Variants in RORB observed in about 807,000 individuals in gnomAD.
RORB encodes RAR related orphan receptor B.
Under a neutral mutation model 59.1 loss-of-function variants are expected in RORB, and 6 were observed. The observed-to-expected ratio is 0.10, with a 90% CI of 0.06 to 0.20. The LOEUF is 0.20. Among genes scored for constraint, RORB ranks in the 10% least tolerant of loss-of-function variants. The pLI, the probability that RORB is intolerant of heterozygous loss-of-function variation, is 1.00. For synonymous variants in RORB, 215 were observed against 204.5 expected, an observed-to-expected ratio of 1.05 and a Z score of -0.44; for missense variants, 320 against 560.5, an observed-to-expected ratio of 0.57 and a Z score of 4.33.
At chr9:74,653,965 T>A (rs920170573) in intron 4 of RORB, among the ~76,000 whole-genome samples, 1 of 152,202 alleles carries the variant, frequency 6.6e-6, no homozygotes, top group African/African-American at 2.4e-5. Context: ...ACCTTGCTTG[T>A]CAGTTTACTT....
At chr9:74,587,803 A>G (rs1489893153) in intron 1 of RORB, among the ~76,000 whole-genome samples, 1 of 152,166 alleles carries the variant, frequency 6.6e-6, no homozygotes, top group African/African-American at 2.4e-5. Context: ...TACTCTCAGG[A>G]TTGCTATTGT....
At chr9:74,568,780 C>T (rs1057140631) in intron 1 of RORB, among the ~76,000 whole-genome samples, 2 of 151,268 alleles carry the variant, frequency 1.3e-5, no homozygotes, top group African/African-American at 2.4e-5. Context: ...CTAGCATTAT[C>T]ACCTAGAGTG....
At chr9:74,540,993 T>C (rs1227588041) in intron 1 of RORB, among the ~76,000 whole-genome samples, 1 of 152,010 alleles carries the variant, frequency 6.6e-6, no homozygotes, top group Non-Finnish European at 1.5e-5. Context: ...TAAAAATACA[T>C]TGTTGAGCCG....
chr9:74,502,997 A>G (rs905874475), intron 1 of RORB, among the ~76,000 whole-genome samples: 1 of 152,080 alleles, frequency 6.6e-6, no homozygotes, highest in African/African-American at 2.4e-5. Context: ...ATTAACATTA[A>G]CAAAACATTT....
chr9:74,634,216 G>C (rs561799199), intron 2 of RORB, among the ~76,000 whole-genome samples: 42 of 152,214 alleles, frequency 2.8e-4, no homozygotes, highest in African/African-American at 9.9e-4. Flanking sequence ...AATACTTCAA[G>C]TTCCTCACCA....
intron 1 of RORB, among the ~76,000 whole-genome samples, chr9:74,554,583 A>T (rs1265259079): frequency 6.6e-6 from 1 of 152,170 alleles, no homozygotes; most frequent in Non-Finnish European, 1.5e-5. Context: ...ACTTAAAAAA[A>T]AAAAAGAATA....
intron 1 of RORB, among the ~76,000 whole-genome samples, chr9:74,522,375 A>C (rs1826095957): frequency 6.6e-6 from 1 of 151,802 alleles, no homozygotes; most frequent in African/African-American, 2.4e-5. Flanking sequence ...AAATCTTACA[A>C]GCATTAGAAA....
At chr9:74,675,253 G>C (rs1824418190) in intron 9 of RORB, among the ~76,000 whole-genome samples, 1 of 150,892 alleles carries the variant, frequency 6.6e-6, no homozygotes, top group African/African-American at 2.4e-5. Context: ...TCCTGGATTT[G>C]AGAAGCCAGG....
chr9:74,510,016 A>C (rs1318100615), intron 1 of RORB, among the ~76,000 whole-genome samples: 1 of 152,142 alleles, frequency 6.6e-6, no homozygotes, highest in Non-Finnish European at 1.5e-5. Context: ...CTTTCAAATG[A>C]AGTTAATTTG....
At chr9:74,620,467 AT>A (rs1475012880) in intron 1 of RORB, among the ~76,000 whole-genome samples, 1 of 141,886 alleles carries the variant, frequency 7.0e-6, no homozygotes, top group Non-Finnish European at 1.6e-5. Flanking sequence ...CAGTCTATCG[AT>A]TTTGTTGATC....
chr9:74,654,983 A>G (rs1477030404), intron 4 of RORB, among the ~76,000 whole-genome samples: 1 of 152,236 alleles, frequency 6.6e-6, no homozygotes. Flanking sequence ...CCTGCAATAC[A>G]CACCCAATTT....
At chr9:74,658,024 A>AAAAAG (rs1563966345) in intron 4 of RORB, among the ~76,000 whole-genome samples, 6 of 129,520 alleles carry the variant, frequency 4.6e-5, no homozygotes, top group African/African-American at 1.3e-4. Flanking sequence ...AAAAAAAAAA[A>AAAAAG]AAAAGAAAAG....
intron 1 of RORB, among the ~76,000 whole-genome samples, chr9:74,603,316 C>G (rs1027849293): frequency 3.3e-5 from 5 of 152,174 alleles, no homozygotes; most frequent in Non-Finnish European, 7.3e-5. Flanking sequence ...TTTTCATGCT[C>G]AGTAGCAACC....
intron 1 of RORB, among the ~76,000 whole-genome samples, chr9:74,587,800 A>G (rs1268407228): frequency 1.3e-5 from 2 of 152,210 alleles, no homozygotes; most frequent in South Asian, 2.1e-4. Context: ...TGCTACTCTC[A>G]GGATTGCTAT....
intron 4 of RORB, among the ~76,000 whole-genome samples, chr9:74,658,004 C>CAAAAAAG (rs1824113586): frequency 1.0e-5 from 1 of 97,830 alleles, no homozygotes; most frequent in Non-Finnish European, 1.9e-5. Flanking sequence ...GACTCGGTCT[C>CAAAAAAG]AAAAAAAAAA....
At chr9:74,572,859 C>T (rs186737709) in intron 1 of RORB, among the ~76,000 whole-genome samples, 2 of 152,258 alleles carry the variant, frequency 1.3e-5, no homozygotes, top group Admixed American at 6.5e-5. Context: ...TCCCAATTTT[C>T]CCTTCGTGTG....
intron 1 of RORB, among the ~76,000 whole-genome samples, chr9:74,556,267 GA>G (rs762187697): frequency 7.9e-5 from 12 of 152,170 alleles, no homozygotes; most frequent in Non-Finnish European, 1.5e-4. Flanking sequence ...TTATTACTGA[GA>G]TACGTTATTG....
At chr9:74,576,466 A>AGATT (rs58068822) in intron 1 of RORB, among the ~76,000 whole-genome samples, 1 of 151,804 alleles carries the variant, frequency 6.6e-6, no homozygotes, top group Non-Finnish European at 1.5e-5. Flanking sequence ...AGGGAGAAAG[A>AGATT]GAAGGGAATT....
intron 2 of RORB, among the ~76,000 whole-genome samples, chr9:74,633,579 G>A (rs1563959155): frequency 1.3e-5 from 2 of 152,146 alleles, no homozygotes; most frequent in Admixed American, 1.3e-4. Context: ...TAGGGAAATC[G>A]ATTACATGAG....
Sources: gnomAD v4.1 joint callset for allele counts (sites outside exome capture counted in the v4.1 genomes callset) on GRCh38, gnomAD v4.1.1 for gene constraint, MANE v1.5 for transcripts, NCBI Gene and HGNC (gene_info 2026-07-23, HGNC 2026-07-21) for gene names.